TDRD9: variants seen among roughly 807,000 people sequenced by gnomAD.
The protein encoded by TDRD9 is ATP-dependent RNA helicase TDRD9.
In TDRD9, 124 loss-of-function variants were observed where a neutral mutation model predicts 172.6. The ratio of observed to expected loss-of-function variants is 0.72; its 90% CI spans 0.62 to 0.83. TDRD9 has a LOEUF of 0.83. Ranked by LOEUF, TDRD9 falls within the 40% of genes least tolerant of loss-of-function variation. The pLI is 0.00. For missense variants in TDRD9, 1,479 were observed against 1,714.1 expected (o/e 0.86, Z 2.42); for synonymous variants, 619 against 617.1 (o/e 1.00, Z -0.05).
chr14:103,956,904 T>C (rs2032275454), intron 2 of TDRD9, among the ~76,000 whole-genome samples: 1 of 152,148 alleles, frequency 6.6e-6, no homozygotes, highest in African/African-American at 2.4e-5. Flanking sequence ...TGAGAGGTCA[T>C]CTGTCATAGA....
rs551283022 is a variant in TDRD9, at chr14:103,998,263, C to T, written c.1379-361C>T. On this transcript the variant is annotated intron_variant, in intron 12 of 35. Transcript: ENST00000409874. Reference sequence around the variant, plus strand: ...ATCCACCCACAGGCACACACAGACGCGGGATTTGAATTCTGGCAGTCCCTT... The same window carrying T: ...ATCCACCCACAGGCACACACAGACGTGGGATTTGAATTCTGGCAGTCCCTT... Among the ~76,000 whole-genome samples the T allele has an allele frequency of 3.6e-4, 54 of 150,940 alleles. 2 individuals carry two copies. Among genetic ancestry groups the T allele is most frequent in the African/African-American group, 1.2e-3 (48 of 41,024 alleles).
rs752691752 is a variant in TDRD9 at position 104,008,442 on chromosome 14, C to T, written c.2082C>T (p.Tyr694=). The change falls in exon 20 of 36, where the codon TAC becomes TAT. Residue 694 remains tyrosine, a synonymous_variant. Coordinates refer to ENST00000409874, the MANE Select transcript of TDRD9 (RefSeq NM_153046.3). ...KDELNWGRLN[Y]IQIKRIREVA... is the part of the protein sequence containing the mutation. Reference sequence around the variant, plus strand: ...AACTTAATTGGGGACGGTTAAATTACATTCAAATCAAGAGAATTAGAGAGG... The same window carrying T: ...AACTTAATTGGGGACGGTTAAATTATATTCAAATCAAGAGAATTAGAGAGG... 6 of 1,564,272 alleles carry T rather than the reference C, an allele frequency of 3.8e-6. No individual in the cohort carries two copies. The highest frequency in any genetic ancestry group is 1.7e-4 in the Middle Eastern group (1 of 5,954).
chr14:104,030,094 A>ATT (rs1438410567), intron 28 of TDRD9, among the ~76,000 whole-genome samples: 3 of 152,216 alleles, frequency 2.0e-5, no homozygotes, highest in African/African-American at 7.2e-5. Flanking sequence ...ACTTCAGGGA[A>ATT]TTATGTTAAT....
At chr14:104,038,293 TAAAC>T (rs1012759121) in intron 32 of TDRD9, among the ~76,000 whole-genome samples, 65 of 152,180 alleles carry the variant, frequency 4.3e-4, no homozygotes, top group African/African-American at 1.4e-3. Flanking sequence ...CCACAAAAAT[TAAAC>T]AAACAAAAAA....
chr14:104,003,789 A>T (rs1289723377), intron 13 of TDRD9, among the ~76,000 whole-genome samples: 1 of 152,088 alleles, frequency 6.6e-6, no homozygotes, highest in Non-Finnish European at 1.5e-5. Context: ...GGTGCTTTGC[A>T]GTGGGGCAAG....
intron 6 of TDRD9, among the ~76,000 whole-genome samples, chr14:103,972,690 C>T (rs545573293): frequency 8.7e-4 from 132 of 152,328 alleles, no homozygotes; most frequent in African/African-American, 3.0e-3. Context: ...CTTTCTAAAC[C>T]ATAAAGCATT....
chr14:104,007,594 A>G (rs916689139), intron 19 of TDRD9, among the ~76,000 whole-genome samples: 1 of 150,736 alleles, frequency 6.6e-6, no homozygotes, highest in Admixed American at 6.6e-5. Flanking sequence ...GCTCTTTTAG[A>G]TAACGGGCTT....
chr14:103,949,283 T>A (rs571112405), intron 1 of TDRD9, among the ~76,000 whole-genome samples: 138 of 152,340 alleles, frequency 9.1e-4, no homozygotes, highest in African/African-American at 3.2e-3. Flanking sequence ...ACCTCTTGGC[T>A]CACATAAGCA....
chr14:103,933,298 C>CT (rs2030526251), intron 1 of TDRD9, among the ~76,000 whole-genome samples: 1 of 152,196 alleles, frequency 6.6e-6, no homozygotes, highest in African/African-American at 2.4e-5. Flanking sequence ...GGCTGGGAGC[C>CT]TTGCGTCACT....
intron 1 of TDRD9, among the ~76,000 whole-genome samples, chr14:103,936,180 GTGATCCTCCCT>G (rs2030751502): frequency 1.3e-5 from 2 of 152,176 alleles, no homozygotes; most frequent in Non-Finnish European, 2.9e-5. Flanking sequence ...GTGGGCTCAA[GTGATCCTCCCT>G]TGATCCTCCC....
chr14:104,029,560 T>C (rs1021608268), intron 28 of TDRD9, among the ~76,000 whole-genome samples: 18 of 152,218 alleles, frequency 1.2e-4, no homozygotes, highest in African/African-American at 3.6e-4. Flanking sequence ...TTATCAGCTC[T>C]AAAAGCTTTT....
rs138310693 is a variant in TDRD9 at position 103,964,264 on chromosome 14, T to G, written c.421-1069T>G. On this transcript the variant is annotated intron_variant, in intron 3 of 35. Coordinates refer to ENST00000409874, the MANE Select transcript of TDRD9 (RefSeq NM_153046.3). ...TGTCTAAAAATAAATAAACAGATAT[T>G]TAATAGATAAAAATATGTCTGAAGA... Among the ~76,000 whole-genome samples the G allele has an allele frequency of 8.0e-3, 1,220 of 152,092 alleles. 15 individuals carry two copies. The highest frequency in any genetic ancestry group is 0.028 in the African/African-American group (1,165 of 41,494).
chr14:104,033,887 C>T (rs2035361670), intron 30 of TDRD9, 73 bp from the exon 31 acceptor site: 3 of 906,012 alleles, frequency 3.3e-6, no homozygotes, highest in African/African-American at 3.3e-5. Flanking sequence ...AAATGGGTTG[C>T]TTGTGGGTTG....
intron 3 of TDRD9, among the ~76,000 whole-genome samples, chr14:103,964,541 G>A (rs2032651876): frequency 6.6e-6 from 1 of 151,470 alleles, no homozygotes; most frequent in Non-Finnish European, 1.5e-5. Flanking sequence ...TTGTTTGTTT[G>A]TTTTGAGATG....
chr14:103,936,055 T>C (rs1360761506), intron 1 of TDRD9, among the ~76,000 whole-genome samples: 1 of 152,096 alleles, frequency 6.6e-6, no homozygotes, highest in Non-Finnish European at 1.5e-5. Context: ...CTATTTACCA[T>C]GTGAAAATGG....
At chr14:104,009,310 G>C (rs950868032) in intron 20 of TDRD9, among the ~76,000 whole-genome samples, 3 of 152,202 alleles carry the variant, frequency 2.0e-5, no homozygotes, top group Non-Finnish European at 2.9e-5. Context: ...ATCTCAGGTG[G>C]AGCAGTTTCA....
chr14:104,003,867 G>A (rs756634353), intron 13 of TDRD9, among the ~76,000 whole-genome samples: 6 of 152,246 alleles, frequency 3.9e-5, no homozygotes, highest in South Asian at 2.1e-4. Context: ...CGCCAACCTC[G>A]TGACTTTCTG....
In TDRD9 at chr14:103,961,179, T is replaced by A. The variant is rs577110562; in HGVS notation, c.323-1900T>A. Among the ~76,000 whole-genome samples, 5 of 152,126 alleles carry A rather than the reference T, an allele frequency of 3.3e-5. No individual in the cohort carries two copies. In the South Asian group the frequency reaches 1.0e-3, roughly 31 times the overall value. On this transcript the variant is annotated intron_variant, in intron 2 of 35. Coordinates refer to ENST00000409874, the MANE Select transcript of TDRD9 (RefSeq NM_153046.3). Reference sequence around the variant, plus strand: ...TGGGAAAACAAGAAGGCATCAGTAATTACCATAGCACTGAGAAGAGGAATG... The same window carrying A: ...TGGGAAAACAAGAAGGCATCAGTAAATACCATAGCACTGAGAAGAGGAATG...
chr14:104,031,541 G>T (rs902110192), intron 29 of TDRD9, among the ~76,000 whole-genome samples: 1 of 146,206 alleles, frequency 6.8e-6, no homozygotes, highest in South Asian at 2.2e-4. Flanking sequence ...GAAGCACAGC[G>T]TGTGGGTTCA....
Sources: gnomAD v4.1 joint callset for allele counts (sites outside exome capture counted in the v4.1 genomes callset) on GRCh38, gnomAD v4.1.1 for gene constraint, MANE v1.5 for transcripts, NCBI Gene and HGNC (gene_info 2026-07-23, HGNC 2026-07-21) for gene names.